The following EIF2AK1 variants were observed in gnomAD, a reference collection of about 807,000 sequenced individuals.
The protein encoded by EIF2AK1 is eukaryotic translation initiation factor 2-alpha kinase 1.
In EIF2AK1, 54 loss-of-function variants were observed where a neutral mutation model predicts 77.9. The ratio of observed to expected loss-of-function variants is 0.69; its 90% CI spans 0.56 to 0.87. The LOEUF is 0.87. Among genes scored for constraint, EIF2AK1 ranks in the 40% least tolerant of loss-of-function variants. The pLI, the probability that EIF2AK1 is intolerant of heterozygous loss-of-function variation, is 0.00. For synonymous variants in EIF2AK1, 314 were observed against 290.5 expected (o/e 1.08, Z -0.82); for missense variants, 810 against 768.6 (o/e 1.05, Z -0.64).
chr7:6,051,259 A>AT (rs919028771), intron 2 of EIF2AK1, among the ~76,000 whole-genome samples: 4 of 146,516 alleles, frequency 2.7e-5, no homozygotes, highest in Non-Finnish European at 3.0e-5. Context: ...CAATGAGGAC[A>AT]TTTTTTTTTC....
At chr7:6,051,182 G>C (rs1391624672) in intron 2 of EIF2AK1, among the ~76,000 whole-genome samples, 1 of 151,814 alleles carries the variant, frequency 6.6e-6, no homozygotes, top group Non-Finnish European at 1.5e-5. Flanking sequence ...CAAATATCAA[G>C]CTCCTTAGAA....
At chr7:6,056,317 G>T (rs1377824958) in intron 1 of EIF2AK1, among the ~76,000 whole-genome samples, 1 of 140,662 alleles carries the variant, frequency 7.1e-6, no homozygotes, top group African/African-American at 2.6e-5. Flanking sequence ...AAAAAAGGCC[G>T]GGTACGGTGG....
In EIF2AK1 at chr7:6,023,850, T is replaced by G; in HGVS notation, c.*823A>C. 1 of 1,549,070 alleles carries G rather than the reference T, an allele frequency of 6.5e-7. No homozygotes were observed. The highest frequency in any genetic ancestry group is 8.7e-7 in the Non-Finnish European group (1 of 1,146,514). On this transcript the variant is annotated 3_prime_UTR_variant, in exon 15 of 15. Transcript: ENST00000199389. Reference sequence around the variant, plus strand: ...ATGTAATTTATGGTTTTCATTTTATTTAAAATTCAGCAAAATCATACGCCA... The same window carrying G: ...ATGTAATTTATGGTTTTCATTTTATGTAAAATTCAGCAAAATCATACGCCA...
intron 2 of EIF2AK1, among the ~76,000 whole-genome samples, chr7:6,051,972 A>C (rs900999353): frequency 1.3e-5 from 2 of 151,986 alleles, no homozygotes; most frequent in Non-Finnish European, 2.9e-5. Context: ...CGAGATCGAG[A>C]TCATCCTGGC....
rs1431642652 is a variant in EIF2AK1 at position 6,027,879 on chromosome 7, A to G, written c.1530+736T>C. The G allele has an allele frequency of 4.6e-6, 2 of 434,952 alleles. No homozygotes were observed. The highest frequency in any genetic ancestry group is 9.2e-6 in the Non-Finnish European group (2 of 218,174). The allele number at this position is 434,952 out of a possible 1,614,324, so 26.9% of individuals were successfully genotyped here. A position where few individuals can be genotyped will look rare whatever the true frequency, so the allele number is the denominator to read the frequency against. On this transcript the variant is annotated intron_variant, in intron 13 of 14. Coordinates refer to ENST00000199389, the MANE Select transcript of EIF2AK1 (RefSeq NM_014413.4). This position sits in a 1 kb window ranked among gnomAD's most constrained non-coding sequence, Gnocchi z 4.5. ...CAGGAGTTTGAGACCAACCTGGACA[A>G]AGCAAGACCCATCTCTACAAATAAT...
chr7:6,031,374 T>G, intron 11 of EIF2AK1: 1 of 1,550,534 alleles, frequency 6.4e-7, no homozygotes, highest in Non-Finnish European at 8.7e-7. Context: ...TAAGTTTTTC[T>G]CATGGGGAAT....
intron 4 of EIF2AK1, among the ~76,000 whole-genome samples, 154 bp downstream of exon 4, chr7:6,048,653 G>C (rs1047162081): frequency 6.6e-6 from 1 of 152,132 alleles, no homozygotes; most frequent in East Asian, 1.9e-4. Context: ...AAGAAGCAAA[G>C]CAAGTCTCAG....
rs2128883019 is a variant in EIF2AK1, at chr7:6,023,179, C to T, written c.*1494G>A. On this transcript the variant is annotated 3_prime_UTR_variant, in exon 15 of 15. Transcript: ENST00000199389. ...GACAGACTGAAAATGTGATGTTCTTCTTGAAAACACCCTTTCCCATGTCAT... is the reference window on the plus strand; with the variant it reads ...GACAGACTGAAAATGTGATGTTCTTTTTGAAAACACCCTTTCCCATGTCAT... 1 of 1,178,896 alleles carries T rather than the reference C, an allele frequency of 8.5e-7. No homozygotes were observed. The highest frequency in any genetic ancestry group is 2.4e-5 in the East Asian group (1 of 41,696). The allele number at this position is 1,178,896 out of a possible 1,614,324, so 73.0% of individuals were successfully genotyped here. A position where few individuals can be genotyped will look rare whatever the true frequency, so the allele number is the denominator to read the frequency against.
chr7:6,034,253 G>A (rs1163804875), intron 11 of EIF2AK1, among the ~76,000 whole-genome samples: 1 of 151,994 alleles, frequency 6.6e-6, no homozygotes, highest in African/African-American at 2.4e-5. Context: ...GTTGCAGTGA[G>A]CCAAAATCAC....
In EIF2AK1 at chr7:6,052,200, A is replaced by G. The variant is rs536550043; in HGVS notation, c.278-2155T>C. ...AAAAAAAAAAAAAAAAGTCATCTAAAGAGGCTGTATATAAGGAATTCAAAA... is the reference window on the plus strand; with the variant it reads ...AAAAAAAAAAAAAAAAGTCATCTAAGGAGGCTGTATATAAGGAATTCAAAA... On this transcript the variant is annotated intron_variant, in intron 2 of 14. Transcript: ENST00000199389. Among the ~76,000 whole-genome samples the G allele has an allele frequency of 1.8e-4, 28 of 151,862 alleles. 1 individual carries two copies. The East Asian group carries it at 5.4e-3, about 29-fold the overall frequency.
At chr7:6,040,843 A>C in intron 9 of EIF2AK1, 49 bp downstream of exon 9, 1 of 1,471,962 alleles carries the variant, frequency 6.8e-7, no homozygotes, top group Non-Finnish European at 9.4e-7. Flanking sequence ...ACACACCTGC[A>C]CAGTCACCAA....
At position 6,035,786 on chromosome 7, in the gene EIF2AK1, G is replaced by A. The variant is rs890911871; in HGVS notation, c.1332+1638C>T. ...TGCTGAATAAGGAGATGATGGAAAC[G>A]CTCATTGCCTATGGAGCAAACGTCA... On this transcript the variant is annotated intron_variant, in intron 11 of 14. Transcript: ENST00000199389. The surrounding 1 kb of genome is among the most constrained non-coding windows in gnomAD (Gnocchi z 5.5). The A allele has an allele frequency of 1.2e-5, 18 of 1,551,032 alleles. No homozygotes were observed. The highest frequency in any genetic ancestry group is 2.4e-5 in the South Asian group (2 of 84,046).
At chr7:6,031,345 A>C (rs750539927) in intron 11 of EIF2AK1, 3 of 1,536,184 alleles carry the variant, frequency 2.0e-6, no homozygotes, top group African/African-American at 2.7e-5. Flanking sequence ...TTCCATAACA[A>C]CATTTTCCCC....
chr7:6,057,598 TAAAAAA>T, intron 1 of EIF2AK1: 1 of 133,704 alleles, frequency 7.5e-6, no homozygotes, highest in East Asian at 2.1e-4. Context: ...AAGCATTCCA[TAAAAAA>T]AAAAAAAAGA....
At chr7:6,049,788 G>T in intron 3 of EIF2AK1, 124 bp downstream of exon 3, 1 of 940,516 alleles carries the variant, frequency 1.1e-6, no homozygotes, top group Non-Finnish European at 1.6e-6. Context: ...CACCATGCCT[G>T]GCCTAGAGTT....
intron 5 of EIF2AK1, chr7:6,046,465 A>C (rs1256758233): frequency 5.5e-6 from 1 of 182,124 alleles, no homozygotes; most frequent in Non-Finnish European, 1.1e-5. Context: ...TAGGTCAAAA[A>C]TTCAAAGTTT....
At chr7:6,054,423 C>G in intron 2 of EIF2AK1, 123 bp downstream of exon 2, 2 of 1,043,004 alleles carry the variant, frequency 1.9e-6, no homozygotes, top group Non-Finnish European at 2.8e-6. Flanking sequence ...AAACCGATCT[C>G]GATCTCCGGA....
intron 5 of EIF2AK1, chr7:6,046,664 AAGGCCG>A (rs978889050): frequency 1.1e-5 from 2 of 188,230 alleles, no homozygotes; most frequent in Non-Finnish European, 2.2e-5. Context: ...AGCACTTTGG[AAGGCCG>A]AGGTGGGTGG....
chr7:6,044,698 A>T (rs1288284639), intron 6 of EIF2AK1, 37 bp from the exon 7 acceptor site: 2 of 1,572,978 alleles, frequency 1.3e-6, no homozygotes, highest in Non-Finnish European at 1.7e-6. Flanking sequence ...CCTTTTGCTG[A>T]TAACTTGTTA....
Sources: gnomAD v4.1 joint callset for allele counts (sites outside exome capture counted in the v4.1 genomes callset) on GRCh38, gnomAD v4.1.1 for gene constraint, Gnocchi (gnomAD v3.1) non-coding constraint, MANE v1.5 for transcripts, NCBI Gene and HGNC (gene_info 2026-07-23, HGNC 2026-07-21) for gene names.